Variants in TMED9 observed in about 807,000 individuals in gnomAD.
TMED9 encodes the protein transmembrane emp24 domain-containing protein 9.
TMED9 carries 22 observed loss-of-function variants against 30.6 expected under a neutral mutation model. The ratio of observed to expected loss-of-function variants is 0.72; its 90% CI spans 0.51 to 1.03. The LOEUF (loss-of-function observed/expected upper bound fraction) is 1.03. Ranked by LOEUF, TMED9 falls within the 50% of genes least tolerant of loss-of-function variation. The pLI is 0.00. For synonymous variants in TMED9, 146 were observed against 122.8 expected, an observed-to-expected ratio of 1.19 and a Z score of -1.25; for missense variants, 251 against 302.1, an observed-to-expected ratio of 0.83 and a Z score of 1.25.
Position 177,592,679 on chromosome 5 carries a change from A to C in TMED9, c.285+4A>C, listed in dbSNP as rs1249777257. On this transcript the variant is annotated splice_donor_region_variant and intron_variant, in intron 2 of 4. Transcript: ENST00000332598. ...GGTGAAGGACCCAGAGGACAAGGTG[A>C]GCCAACCGCCCCCCTCCTCTCCGCC... 1.3e-6 allele frequency: 2 copies of C among 1,595,384 alleles called. No individual in the cohort carries two copies. The highest frequency in any genetic ancestry group is 1.7e-6 in the Non-Finnish European group (2 of 1,170,768).
chr5:177,595,307 A>G lies in TMED9; in HGVS notation c.599A>G (p.Asn200Ser). 1 of 1,608,414 alleles carries G rather than the reference A, an allele frequency of 6.2e-7. No individual in the cohort carries two copies. The highest frequency in any genetic ancestry group is 8.5e-7 in the Non-Finnish European group (1 of 1,176,010). Residue 200 changes from asparagine to serine, a missense_variant, in exon 5 of 5, where the codon AAC becomes AGC. Coordinates refer to ENST00000332598, the MANE Select transcript of TMED9 (RefSeq NM_017510.6). The part of the protein sequence containing the change: ...ERFRQTSEST[N>S]QRVLWWSILQ... ...TTCCGGCAGACCAGTGAGAGCACCA[A>G]CCAGCGGGTGCTGTGGTGGTCCATT...
chr5:177,595,133 A>T, intron 4 of TMED9, 134 bp from the exon 5 acceptor site: 1 of 912,252 alleles, frequency 1.1e-6, no homozygotes, highest in Non-Finnish European at 1.6e-6. Context: ...GATAGTCCCC[A>T]GGTAGAGTGA....
intron 4 of TMED9, among the ~76,000 whole-genome samples, chr5:177,594,690 C>T (rs1767652712): frequency 6.6e-6 from 1 of 152,250 alleles, no homozygotes; most frequent in South Asian, 2.1e-4. Flanking sequence ...CACCTGGGGG[C>T]TTCCTTGCAG....
At chr5:177,594,033 T>C (rs1767639362) in intron 3 of TMED9, 106 bp from the exon 4 acceptor site, 2 of 1,477,166 alleles carry the variant, frequency 1.4e-6, no homozygotes, top group Admixed American at 3.6e-5. Context: ...CCCAGTCTGT[T>C]GGCTAAATGA....
chr5:177,592,638 T>C lies in TMED9; in HGVS notation c.248T>C (p.Leu83Pro). 6.2e-7 allele frequency: 1 copy of C among 1,613,492 alleles called. No homozygotes were observed. Among genetic ancestry groups the C allele is most frequent in the Non-Finnish European group, 8.5e-7 (1 of 1,179,814 alleles). The change falls in exon 2 of 5, where the codon CTT (leucine) becomes CCT (proline). Residue 83 changes from leucine (L) to proline (P), a missense_variant. By Grantham distance (98) the Leu-to-Pro change is moderately conservative (BLOSUM62 -3). Coordinates refer to ENST00000332598, the MANE Select transcript of TMED9 (RefSeq NM_017510.6). Reference sequence around the variant, plus strand: ...GAGTACCAGCCGGCCACCCCGGGGCTTGGCATGTTTGTGGAGGTGAAGGAC... The same window carrying C: ...GAGTACCAGCCGGCCACCCCGGGGCCTGGCATGTTTGTGGAGGTGAAGGAC... ...REEYQPATPGLGMFVEVKDPE... is the reference protein window; with the variant it reads ...REEYQPATPGPGMFVEVKDPE...
rs1767699775 is a variant in TMED9, at chr5:177,596,892, T to C, written c.*1476T>C. Among the ~76,000 whole-genome samples, 1 of 152,100 alleles carries C rather than the reference T, an allele frequency of 6.6e-6. No homozygotes were observed. The highest frequency in any genetic ancestry group is 1.5e-5 in the Non-Finnish European group (1 of 68,018). On this transcript the variant is annotated 3_prime_UTR_variant, in exon 5 of 5. Coordinates refer to ENST00000332598, the MANE Select transcript of TMED9 (RefSeq NM_017510.6). ...AGCCACTGAGAGCCCTACTGGCACC[T>C]CAGAATCACAGTGTTATTGATCAGG...
intron 2 of TMED9, 63 bp downstream of exon 2, chr5:177,592,738 C>T: frequency 1.7e-6 from 2 of 1,171,932 alleles, no homozygotes; most frequent in South Asian, 2.7e-5. Flanking sequence ...GGTACTTCCT[C>T]TTCTAGTTCC....
chr5:177,593,980 C>A, intron 3 of TMED9, 159 bp from the exon 4 acceptor site: 1 of 1,196,800 alleles, frequency 8.4e-7, no homozygotes, highest in Non-Finnish European at 1.2e-6. Flanking sequence ...TTAATACTTG[C>A]TTGTGTGCCC....
At chr5:177,593,269 T>C (rs1021625061) in intron 2 of TMED9, 1 of 173,844 alleles carries the variant, frequency 5.8e-6, no homozygotes, top group Non-Finnish European at 1.2e-5. Context: ...GAGGCTGCAG[T>C]GAGCTGAGAT....
At chr5:177,593,557 G>C (rs558220343) in intron 2 of TMED9, 93 bp from the exon 3 acceptor site, 1 of 1,508,124 alleles carries the variant, frequency 6.6e-7, no homozygotes, top group African/African-American at 1.4e-5. Flanking sequence ...GGCTGTGCCT[G>C]TCAACTTTTG....
In TMED9 at chr5:177,596,228, G is replaced by C. The variant is rs1174843142; in HGVS notation, c.*812G>C. 1 of 152,328 alleles carries C rather than the reference G, an allele frequency of 6.6e-6. No homozygotes were observed. The highest frequency in any genetic ancestry group is 1.9e-4 in the East Asian group (1 of 5,196). 9.4% of individuals were successfully genotyped at this position (152,328 alleles called of 1,614,324 possible). On this transcript the variant is annotated 3_prime_UTR_variant, in exon 5 of 5. Coordinates refer to ENST00000332598, the MANE Select transcript of TMED9 (RefSeq NM_017510.6). The stretch of plus-strand genomic sequence containing the variant: ...CACATTCCAAAGTGAATTCCCACCA[G>C]TCAGCTTCATTCTTTCCTTCTTCTC...
rs1218904141 is a variant in TMED9, at chr5:177,592,250, C to T, written c.36C>T (p.Pro12=). The stretch of plus-strand genomic sequence containing the variant: ...AGCTGGGCGTGCTGCTCGTCCGGCC[C>T]CGGCCCGGAACCGGGCTGGGTAGAG... ...AVELGVLLVR[P]RPGTGLGRVM... Residue 12 remains proline (P), a synonymous_variant, in exon 1 of 5, where the codon CCC becomes CCT. Transcript: ENST00000332598. 6 of 1,611,014 alleles carry T rather than the reference C, an allele frequency of 3.7e-6. No homozygotes were observed. The highest frequency in any genetic ancestry group is 1.7e-5 in the Admixed American group (1 of 59,746).
At chr5:177,594,406 G>T in intron 4 of TMED9, 121 bp downstream of exon 4, 3 of 1,228,688 alleles carry the variant, frequency 2.4e-6, no homozygotes, top group Non-Finnish European at 3.4e-6. Flanking sequence ...TGCATTGTAG[G>T]TCGTGGGGCG....
In TMED9 at chr5:177,594,292, G is replaced by T; in HGVS notation, c.558+7G>T. ...AGAGCAGAACTACCAGCGGGTGAGT[G>T]ACTGGGCCGGGAGCAGTGGGCTTCT... On this transcript the variant is annotated splice_region_variant and intron_variant, in intron 4 of 4. Coordinates refer to ENST00000332598, the MANE Select transcript of TMED9 (RefSeq NM_017510.6). The T allele has an allele frequency of 6.2e-7, 1 of 1,613,608 alleles. No individual in the cohort carries two copies. Among genetic ancestry groups the T allele is most frequent in the South Asian group, 1.1e-5 (1 of 90,978 alleles).
chr5:177,593,030 T>TATG (rs1206411527), intron 2 of TMED9, among the ~76,000 whole-genome samples: 1 of 151,168 alleles, frequency 6.6e-6, no homozygotes, highest in Non-Finnish European at 1.5e-5. Flanking sequence ...CATGGCGGGG[T>TATG]GTGGTGGCTC....
intron 4 of TMED9, 149 bp from the exon 5 acceptor site, chr5:177,595,118 G>A: frequency 3.8e-6 from 3 of 786,026 alleles, no homozygotes; most frequent in Non-Finnish European, 5.8e-6. Flanking sequence ...TTGCCTGAGG[G>A]TAAAGATAGT....
rs1767606464 is a variant in TMED9 at position 177,592,492 on chromosome 5, G to A, written c.185-83G>A. 3.9e-6 allele frequency: 6 copies of A among 1,557,976 alleles called. No individual in the cohort carries two copies. The African/African-American group carries it at 6.8e-5, about 18-fold the overall frequency. ...AGTCAGCTCTCTAGAGCCGGGAGGAGACGGCCTCGCCGTGCCCAGGCGGTC... is the reference window on the plus strand; with the variant it reads ...AGTCAGCTCTCTAGAGCCGGGAGGAAACGGCCTCGCCGTGCCCAGGCGGTC... On this transcript the variant is annotated intron_variant, in intron 1 of 4. Coordinates refer to ENST00000332598, the MANE Select transcript of TMED9 (RefSeq NM_017510.6).
chr5:177,592,730 T>C, intron 2 of TMED9, 55 bp downstream of exon 2: 1 of 1,276,362 alleles, frequency 7.8e-7, no homozygotes, highest in Non-Finnish European at 1.1e-6. Context: ...CGGGCTCCGG[T>C]ACTTCCTCTT....
intron 2 of TMED9, 59 bp downstream of exon 2, chr5:177,592,734 T>A (rs1767614403): frequency 8.0e-7 from 1 of 1,246,430 alleles, no homozygotes; most frequent in Non-Finnish European, 1.1e-6. Flanking sequence ...CTCCGGTACT[T>A]CCTCTTCTAG....
Sources: gnomAD v4.1 joint callset for allele counts (sites outside exome capture counted in the v4.1 genomes callset) on GRCh38, gnomAD v4.1.1 for gene constraint, MANE v1.5 for transcripts, NCBI Gene and HGNC (gene_info 2026-07-23, HGNC 2026-07-21) for gene names.